AFF1: variants seen among roughly 807,000 people sequenced by gnomAD.
The protein encoded by AFF1 is ALF transcription elongation factor 1.
A neutral mutation model predicts 121.7 loss-of-function variants in AFF1; 48 were observed. The observed-to-expected ratio is 0.39, with a 90% CI of 0.31 to 0.50. AFF1 has a LOEUF of 0.50. Ranked by LOEUF, AFF1 falls within the 20% of genes least tolerant of loss-of-function variation. AFF1 has a pLI of 0.76. For synonymous variants in AFF1, 613 were observed against 563.0 expected, an observed-to-expected ratio of 1.09 and a Z score of -1.26; for missense variants, 1,523 against 1,511.7, an observed-to-expected ratio of 1.01 and a Z score of -0.12.
intron 2 of AFF1, among the ~76,000 whole-genome samples, chr4:87,033,934 G>T (rs1248946101): frequency 5.3e-5 from 8 of 152,152 alleles, no homozygotes; most frequent in Admixed American, 5.2e-4. Context: ...ATGGGTTAGT[G>T]CTGGGTAAAT....
intron 13 of AFF1, among the ~76,000 whole-genome samples, chr4:87,125,707 G>C (rs973012303): frequency 2.0e-5 from 3 of 152,188 alleles, no homozygotes; most frequent in Non-Finnish European, 2.9e-5. Context: ...TTCAAAAAAT[G>C]TATTGGCAAA....
chr4:87,070,271 G>A (rs1038415297), intron 4 of AFF1, among the ~76,000 whole-genome samples: 5 of 152,194 alleles, frequency 3.3e-5, no homozygotes, highest in African/African-American at 4.8e-5. Context: ...CGAAGTGCTG[G>A]GAGTAGAGGC....
chr4:86,953,806 A>G (rs750989017), intron 2 of AFF1, among the ~76,000 whole-genome samples: 38 of 151,312 alleles, frequency 2.5e-4, no homozygotes, highest in Non-Finnish European at 4.7e-4. Context: ...TGGAACCTCC[A>G]TCTCCTGGGT....
intron 4 of AFF1, among the ~76,000 whole-genome samples, chr4:87,070,052 G>A (rs879673200): frequency 2.6e-5 from 4 of 151,840 alleles, no homozygotes; most frequent in Non-Finnish European, 4.4e-5. Context: ...TCACCAGGCT[G>A]GAGTGCAGTG....
chr4:87,129,236 A>G (rs1172700373), intron 16 of AFF1, among the ~76,000 whole-genome samples: 1 of 152,198 alleles, frequency 6.6e-6, no homozygotes, highest in African/African-American at 2.4e-5. Context: ...TTCTCCCTTA[A>G]TAGCATAATG....
chr4:86,957,346 C>T (rs1721815087), intron 2 of AFF1, among the ~76,000 whole-genome samples: 2 of 152,124 alleles, frequency 1.3e-5, no homozygotes, highest in Admixed American at 6.6e-5. Context: ...ATTTCAGTTC[C>T]AGTTTCTCCT....
chr4:86,999,908 G>A (rs1433923758), intron 2 of AFF1, among the ~76,000 whole-genome samples: 1 of 152,110 alleles, frequency 6.6e-6, no homozygotes, highest in Non-Finnish European at 1.5e-5. Flanking sequence ...CCTTGTGCTG[G>A]GACTAGGGTA....
chr4:87,120,454 A>G (rs1162641263), intron 12 of AFF1, among the ~76,000 whole-genome samples: 1 of 152,214 alleles, frequency 6.6e-6, no homozygotes, highest in African/African-American at 2.4e-5. Context: ...GCCACCTTTT[A>G]TAGATGAGAT....
intron 7 of AFF1, among the ~76,000 whole-genome samples, chr4:87,093,170 A>G (rs1185133354): frequency 6.6e-6 from 1 of 152,218 alleles, no homozygotes; most frequent in Non-Finnish European, 1.5e-5. Context: ...CCTATGCAGT[A>G]ATGTGGGTCA....
intron 12 of AFF1, among the ~76,000 whole-genome samples, chr4:87,123,351 G>A (rs1727907859): frequency 1.3e-5 from 2 of 152,078 alleles, no homozygotes; most frequent in Non-Finnish European, 2.9e-5. Context: ...CACCATTCAA[G>A]TTCAGGTGCT....
At chr4:87,023,510 AC>A (rs1195536743) in intron 2 of AFF1, among the ~76,000 whole-genome samples, 2 of 152,166 alleles carry the variant, frequency 1.3e-5, no homozygotes, top group Admixed American at 6.5e-5. Context: ...TTCAACAATG[AC>A]TTTTTTCACT....
At chr4:86,987,965 T>A (rs1322824007) in intron 2 of AFF1, among the ~76,000 whole-genome samples, 1 of 150,780 alleles carries the variant, frequency 6.6e-6, no homozygotes, top group Non-Finnish European at 1.5e-5. Context: ...AAAAAAAAAT[T>A]ATCCAATTTT....
intron 2 of AFF1, among the ~76,000 whole-genome samples, chr4:86,991,088 G>T (rs987077128): frequency 1.3e-5 from 2 of 151,228 alleles, no homozygotes; most frequent in Non-Finnish European, 2.9e-5. Context: ...GGAGGTGGAG[G>T]TTGCAGTGAG....
At chr4:87,112,926 C>T (rs1463730316) in intron 11 of AFF1, among the ~76,000 whole-genome samples, 1 of 152,154 alleles carries the variant, frequency 6.6e-6, no homozygotes, top group Non-Finnish European at 1.5e-5. Context: ...CTCTGTTAGA[C>T]ACTAATATTT....
In AFF1 at chr4:87,020,737, G is replaced by C. The variant is rs1044931658; in HGVS notation, c.39-25429G>C. The C allele has an allele frequency of 6.4e-6, 6 of 935,272 alleles. No homozygotes were observed. In the African/African-American group the frequency reaches 8.9e-5, roughly 14 times the overall value. The allele number at this position is 935,272 out of a possible 1,614,324, so 57.9% of individuals were successfully genotyped here. A position where few individuals can be genotyped will look rare whatever the true frequency, so the allele number is the denominator to read the frequency against. ...CTGACCTCATGATCCGCCTGCCTCA[G>C]CCTCTCAAAATGCTGGGATTACAGG... On this transcript the variant is annotated intron_variant, in intron 2 of 20. Transcript: ENST00000395146.
In AFF1 at chr4:87,047,060, G is replaced by T. The variant is rs767750866; in HGVS notation, c.525G>T (p.Gly175=). The part of the protein sequence containing the change: ...HLTQDRLGQE[G]FGSSHHKKGD... Reference sequence around the variant, plus strand: ...CCCAGGATCGCCTTGGTCAGGAGGGGTTCGGCTCTAGTCATCACAAGAAAG... The same window carrying T: ...CCCAGGATCGCCTTGGTCAGGAGGGTTTCGGCTCTAGTCATCACAAGAAAG... Residue 175 remains glycine, a synonymous_variant, in exon 4 of 21, where the codon GGG becomes GGT. Coordinates refer to ENST00000395146, the MANE Select transcript of AFF1 (RefSeq NM_001166693.3). The T allele has an allele frequency of 1.2e-6, 2 of 1,614,160 alleles. No homozygotes were observed. Among genetic ancestry groups the T allele is most frequent in the Non-Finnish European group, 1.7e-6 (2 of 1,180,026 alleles).
chr4:87,033,560 A>T (rs1201689340), intron 2 of AFF1, among the ~76,000 whole-genome samples: 1 of 152,216 alleles, frequency 6.6e-6, no homozygotes, highest in Non-Finnish European at 1.5e-5. Flanking sequence ...GTAACAGTAT[A>T]TTCACTTAGT....
At chr4:87,025,789 C>T (rs1728473979) in intron 2 of AFF1, among the ~76,000 whole-genome samples, 1 of 152,190 alleles carries the variant, frequency 6.6e-6, no homozygotes, top group Admixed American at 6.5e-5. Flanking sequence ...GCAGGTTTCG[C>T]CTAGTTCCTA....
Position 87,049,422 on chromosome 4 carries a change from T to C in AFF1, c.1059+1828T>C, listed in dbSNP as rs115022367. Among the ~76,000 whole-genome samples the C allele has an allele frequency of 5.9e-3, 904 of 152,296 alleles. 11 individuals are homozygous for C. The highest frequency in any genetic ancestry group is 0.021 in the African/African-American group (870 of 41,568). ...GAGGATTCCTGTTAACTTACTGTTT[T>C]CTTGGGTGGAAATAAGTAGGCTGAG... On this transcript the variant is annotated intron_variant, in intron 4 of 20. Coordinates refer to ENST00000395146, the MANE Select transcript of AFF1 (RefSeq NM_001166693.3).
Sources: gnomAD v4.1 joint callset for allele counts (sites outside exome capture counted in the v4.1 genomes callset) on GRCh38, gnomAD v4.1.1 for gene constraint, MANE v1.5 for transcripts, NCBI Gene and HGNC (gene_info 2026-07-23, HGNC 2026-07-21) for gene names.